Variants in VTI1A observed in about 807,000 individuals in gnomAD.
VTI1A encodes the protein vesicle transport through interaction with t-SNAREs 1A, also known as vesicle transport through interaction with t-SNAREs homolog 1A.
A neutral mutation model predicts 34.9 loss-of-function variants in VTI1A; 22 were observed. The ratio of observed to expected loss-of-function variants is 0.63; its 90% CI spans 0.45 to 0.90. The LOEUF is 0.90. Among genes scored for constraint, VTI1A ranks in the 40% least tolerant of loss-of-function variants. The pLI, the probability that VTI1A is intolerant of heterozygous loss-of-function variation, is 0.00. For missense variants in VTI1A, 268 were observed against 275.6 expected (o/e 0.97, Z 0.20); for synonymous variants, 87 against 97.3 (o/e 0.89, Z 0.62).
chr10:112,766,118 G>T (rs751964152), intron 7 of VTI1A, among the ~76,000 whole-genome samples: 5 of 152,186 alleles, frequency 3.3e-5, no homozygotes, highest in Non-Finnish European at 4.4e-5. Context: ...TGAGGTCAGG[G>T]CCAGACCTAT....
chr10:112,804,799 C>T (rs1198653939), intron 7 of VTI1A, among the ~76,000 whole-genome samples: 3 of 150,126 alleles, frequency 2.0e-5, no homozygotes, highest in African/African-American at 4.9e-5. Flanking sequence ...CATGCCTTGT[C>T]GAAGACCACC....
At chr10:112,740,460 T>A (rs1850655650) in intron 7 of VTI1A, among the ~76,000 whole-genome samples, 1 of 152,170 alleles carries the variant, frequency 6.6e-6, no homozygotes, top group Non-Finnish European at 1.5e-5. Context: ...TGGCTAATTT[T>A]TGTAGTAGAG....
At chr10:112,686,578 C>T (rs763060441) in intron 7 of VTI1A, among the ~76,000 whole-genome samples, 3 of 152,124 alleles carry the variant, frequency 2.0e-5, no homozygotes, top group Non-Finnish European at 4.4e-5. Flanking sequence ...AAATGAATTC[C>T]GACGTGCTAG....
chr10:112,818,041 G>T lies in VTI1A; in HGVS notation c.*2658G>T, dbSNP rs534418182. 1 of 233,256 alleles carries T rather than the reference G, an allele frequency of 4.3e-6. No individual in the cohort carries two copies. Among genetic ancestry groups the T allele is most frequent in the Non-Finnish European group, 8.5e-6 (1 of 117,818 alleles). The allele number at this position is 233,256 out of a possible 1,614,324, so 14.4% of individuals were successfully genotyped here. On this transcript the variant is annotated 3_prime_UTR_variant, in exon 8 of 8. Transcript: ENST00000393077. ...GTTTTAAATGATCCGTGTTGAAGGC[G>T]AATGCCTGCAAATGCAGTGGGTCTG...
At chr10:112,679,040 A>G (rs1211339313) in intron 7 of VTI1A, among the ~76,000 whole-genome samples, 1 of 152,108 alleles carries the variant, frequency 6.6e-6, no homozygotes, top group Non-Finnish European at 1.5e-5. Flanking sequence ...TATTATTTAC[A>G]CTTTGGTGCT....
chr10:112,829,376 G>A, the VTI1A span, among the ~76,000 whole-genome samples: 1 of 151,614 alleles, frequency 6.6e-6, no homozygotes, highest in Non-Finnish European at 1.5e-5. Context: ...CCCGGGAGGT[G>A]GAGCTTGCAG....
chr10:112,687,513 G>A (rs915064433), intron 7 of VTI1A, among the ~76,000 whole-genome samples: 2 of 151,750 alleles, frequency 1.3e-5, no homozygotes, highest in Non-Finnish European at 2.9e-5. Context: ...GATTACAGGT[G>A]TGAGCCACTG....
chr10:112,619,688 C>T (rs77038312), intron 5 of VTI1A, among the ~76,000 whole-genome samples: 2 of 152,304 alleles, frequency 1.3e-5, no homozygotes, highest in East Asian at 3.9e-4. Context: ...CTAGACACAG[C>T]TGGGGGAGGA....
intron 7 of VTI1A, among the ~76,000 whole-genome samples, chr10:112,751,475 TAA>T (rs11411829): frequency 5.2e-4 from 52 of 100,952 alleles, no homozygotes; most frequent in African/African-American, 1.6e-3. Context: ...ATTAACTGTT[TAA>T]AAAAAAAAAA....
chr10:112,772,816 T>A (rs1480371595), intron 7 of VTI1A, among the ~76,000 whole-genome samples: 1 of 152,192 alleles, frequency 6.6e-6, no homozygotes, highest in African/African-American at 2.4e-5. Flanking sequence ...ATTGATGTGG[T>A]CATCTACCAA....
At chr10:112,516,058 G>C (rs1026585067) in intron 3 of VTI1A, among the ~76,000 whole-genome samples, 2 of 152,080 alleles carry the variant, frequency 1.3e-5, no homozygotes, top group Non-Finnish European at 2.9e-5. Flanking sequence ...GTTCAATCTA[G>C]ATAAGTGCCC....
chr10:112,729,336 A>G (rs1400328997), intron 7 of VTI1A, among the ~76,000 whole-genome samples: 1 of 152,244 alleles, frequency 6.6e-6, no homozygotes, highest in African/African-American at 2.4e-5. Flanking sequence ...TCTGGGAATA[A>G]AAATATGAAA....
intron 7 of VTI1A, among the ~76,000 whole-genome samples, chr10:112,807,163 G>C (rs186568917): frequency 3.6e-4 from 50 of 137,722 alleles, no homozygotes; most frequent in Middle Eastern, 3.8e-3. Context: ...GTGCAGCCAT[G>C]GGGAAGAAGG....
At chr10:112,754,314 C>CG (rs1292946360) in intron 7 of VTI1A, among the ~76,000 whole-genome samples, 8 of 152,126 alleles carry the variant, frequency 5.3e-5, no homozygotes, top group African/African-American at 1.9e-4. Flanking sequence ...TAAAATCCCC[C>CG]CCTTTCGATT....
At chr10:112,582,687 A>T (rs1468650552) in intron 5 of VTI1A, among the ~76,000 whole-genome samples, 2 of 152,116 alleles carry the variant, frequency 1.3e-5, no homozygotes, top group African/African-American at 4.8e-5. Flanking sequence ...CAATACTTAA[A>T]CTTGAAGTGT....
chr10:112,709,465 C>T (rs1363106941), intron 7 of VTI1A, among the ~76,000 whole-genome samples: 1 of 152,022 alleles, frequency 6.6e-6, no homozygotes, highest in African/African-American at 2.4e-5. Context: ...CCTCCCCTCG[C>T]TTGACCTGCA....
intron 7 of VTI1A, among the ~76,000 whole-genome samples, chr10:112,704,918 C>T (rs1469346642): frequency 6.6e-6 from 1 of 152,072 alleles, no homozygotes; most frequent in Non-Finnish European, 1.5e-5. Context: ...GGCAGGGTCT[C>T]GCTCTGTCGA....
At chr10:112,473,791 A>T (rs897197778) in intron 3 of VTI1A, among the ~76,000 whole-genome samples, 13 of 152,334 alleles carry the variant, frequency 8.5e-5, no homozygotes, top group Non-Finnish European at 1.6e-4. Context: ...AGGACTAAGT[A>T]CTTTACATGC....
chr10:112,491,804 C>T (rs749457045), intron 3 of VTI1A, among the ~76,000 whole-genome samples: 2 of 152,196 alleles, frequency 1.3e-5, no homozygotes, highest in African/African-American at 2.4e-5. Context: ...CCACATTATA[C>T]AGCAGCTCTA....
Sources: gnomAD v4.1 joint callset for allele counts (sites outside exome capture counted in the v4.1 genomes callset) on GRCh38, gnomAD v4.1.1 for gene constraint, MANE v1.5 for transcripts, NCBI Gene and HGNC (gene_info 2026-07-23, HGNC 2026-07-21) for gene names.